OR9Q1: variants seen among roughly 807,000 people sequenced by gnomAD.
OR9Q1 encodes olfactory receptor 9Q1.
For missense variants in OR9Q1, 374 were observed against 378.8 expected, an observed-to-expected ratio of 0.99 and a Z score of 0.11; for synonymous variants, 153 against 148.6, an observed-to-expected ratio of 1.03 and a Z score of -0.22.
intron 1 of OR9Q1, chr11:58,030,935 G>C (rs373514515): frequency 2.4e-5 from 36 of 1,517,682 alleles, no homozygotes; most frequent in Admixed American, 3.4e-5. Context: ...TGAGTTTGCT[G>C]AGCTCTCACT....
At chr11:58,088,079 G>A (rs1366998151) in intron 2 of OR9Q1, among the ~76,000 whole-genome samples, 1 of 151,826 alleles carries the variant, frequency 6.6e-6, no homozygotes, top group Non-Finnish European at 1.5e-5. Flanking sequence ...GACCTCAAAT[G>A]ATCCACCTGC....
At chr11:58,139,531 G>C (rs1157482632) in intron 2 of OR9Q1, among the ~76,000 whole-genome samples, 1 of 152,074 alleles carries the variant, frequency 6.6e-6, no homozygotes, top group African/African-American at 2.4e-5. Context: ...AGAACATGTG[G>C]TGTTTGGTTT....
At chr11:58,138,969 C>A (rs1022728131) in intron 2 of OR9Q1, among the ~76,000 whole-genome samples, 1 of 151,702 alleles carries the variant, frequency 6.6e-6, no homozygotes, top group Non-Finnish European at 1.5e-5. Context: ...AAGAAGGAAC[C>A]AAAACAAATT....
At chr11:58,057,107 C>G (rs535974558) in intron 2 of OR9Q1, among the ~76,000 whole-genome samples, 7 of 150,602 alleles carry the variant, frequency 4.6e-5, no homozygotes, top group Non-Finnish European at 8.8e-5. Flanking sequence ...GATTCTCATG[C>G]CTCAGCCTCC....
At chr11:58,140,012 A>AT (rs1324628301) in intron 2 of OR9Q1, among the ~76,000 whole-genome samples, 2 of 151,768 alleles carry the variant, frequency 1.3e-5, no homozygotes, top group African/African-American at 4.8e-5. Context: ...TGTGGTTTTG[A>AT]TTTTTGCATT....
At chr11:58,116,480 C>A (rs757539373) in intron 2 of OR9Q1, among the ~76,000 whole-genome samples, 1 of 152,128 alleles carries the variant, frequency 6.6e-6, no homozygotes, top group Non-Finnish European at 1.5e-5. Context: ...TTTTTCATAT[C>A]CTTGTCAACA....
rs1854115669 is a variant in OR9Q1, at chr11:58,129,022, A to T, written c.-14-50409A>T. ...TATTTTAGCTAGGTTATCCTTGGTT[A>T]TGCTGCACTGTTAAATAACATAAAA... On this transcript the variant is annotated intron_variant, in intron 2 of 2. Coordinates refer to ENST00000335397, the MANE Select transcript of OR9Q1 (RefSeq NM_001005212.4). 1.3e-5 allele frequency among the ~76,000 whole-genome samples: 2 copies of T among 152,172 alleles called. 1 individual carries two copies. The highest frequency in any genetic ancestry group is 4.1e-4 in the South Asian group (2 of 4,824).
At chr11:58,082,407 T>C (rs1210911717) in intron 2 of OR9Q1, among the ~76,000 whole-genome samples, 1 of 151,982 alleles carries the variant, frequency 6.6e-6, no homozygotes, top group African/African-American at 2.4e-5. Flanking sequence ...CATGGAATAC[T>C]ATGCAGCCAT....
At chr11:58,076,431 C>T (rs1240374943) in intron 2 of OR9Q1, among the ~76,000 whole-genome samples, 1 of 152,148 alleles carries the variant, frequency 6.6e-6, no homozygotes, top group Non-Finnish European at 1.5e-5. Flanking sequence ...GGCTAGCTGT[C>T]AGCCAGGGAC....
At chr11:58,107,479 T>C (rs1202733015) in intron 2 of OR9Q1, among the ~76,000 whole-genome samples, 2 of 152,220 alleles carry the variant, frequency 1.3e-5, no homozygotes, top group East Asian at 1.9e-4. Flanking sequence ...CCATGGTGTA[T>C]ATGTGCCACA....
At chr11:58,138,376 A>G (rs1854209112) in intron 2 of OR9Q1, among the ~76,000 whole-genome samples, 1 of 152,218 alleles carries the variant, frequency 6.6e-6, no homozygotes, top group Non-Finnish European at 1.5e-5. Flanking sequence ...TGGTCTTGGG[A>G]AAGTAGCTTA....
Position 58,180,165 on chromosome 11 carries a change from A to G in OR9Q1, c.721A>G (p.Thr241Ala). 6.2e-7 allele frequency: 1 copy of G among 1,613,418 alleles called. No individual in the cohort carries two copies. Among genetic ancestry groups the G allele is most frequent in the African/African-American group, 1.3e-5 (1 of 74,844 alleles). The part of the protein sequence containing the change: ...GSQAKTFSTC[T>A]SHLTAVSLFF... Reference sequence around the variant, plus strand: ...CCAGGCCAAGACCTTCTCCACCTGCACCTCCCACCTCACTGCTGTGTCACT... The same window carrying G: ...CCAGGCCAAGACCTTCTCCACCTGCGCCTCCCACCTCACTGCTGTGTCACT... Residue 241 changes from threonine (T) to alanine (A), a missense_variant, in exon 3 of 3, where the codon ACC becomes GCC. By Grantham distance (58) the Thr-to-Ala change is moderately conservative. Transcript: ENST00000335397.
intron 2 of OR9Q1, among the ~76,000 whole-genome samples, chr11:58,158,241 A>G (rs1321579735): frequency 6.6e-6 from 1 of 152,194 alleles, no homozygotes; most frequent in African/African-American, 2.4e-5. Context: ...CCACAAACAT[A>G]CATAAGTAGT....
At chr11:58,142,096 C>G (rs1854255590) in intron 2 of OR9Q1, among the ~76,000 whole-genome samples, 1 of 152,098 alleles carries the variant, frequency 6.6e-6, no homozygotes, top group South Asian at 2.1e-4. Context: ...TGAAATGTCA[C>G]CTTTTCAGTG....
Position 58,161,549 on chromosome 11 carries a change from G to GTTTT in OR9Q1, c.-14-17872_-14-17869dup, listed in dbSNP as rs567452505. ...TTTTTGTTTTGCTCAGGCTTATTCT[G>GTTTT]TTTTTTTTTTTTTAGACAGAGCCTT... is the stretch of plus-strand genomic sequence containing the variant. On this transcript the variant is annotated intron_variant, in intron 2 of 2. Transcript: ENST00000335397. Among the ~76,000 whole-genome samples, 166 of 145,962 alleles carry GTTTT rather than the reference G, an allele frequency of 1.1e-3. 2 individuals are homozygous for GTTTT. Among genetic ancestry groups the GTTTT allele is most frequent in the Admixed American group, 1.8e-3 (27 of 14,780 alleles).
At chr11:58,173,204 T>C (rs1009001514) in intron 2 of OR9Q1, among the ~76,000 whole-genome samples, 2 of 152,000 alleles carry the variant, frequency 1.3e-5, no homozygotes, top group Non-Finnish European at 2.9e-5. Flanking sequence ...GTTACATATG[T>C]ATACATGTGC....
chr11:58,102,754 T>C (rs976483738), intron 2 of OR9Q1, among the ~76,000 whole-genome samples: 5 of 152,156 alleles, frequency 3.3e-5, no homozygotes, highest in African/African-American at 1.2e-4. Flanking sequence ...ATCGGTTGGG[T>C]TGAATTTATT....
intron 1 of OR9Q1, chr11:58,030,959 C>A: frequency 6.2e-7 from 1 of 1,610,514 alleles, no homozygotes; most frequent in Non-Finnish European, 8.5e-7. Context: ...ACATATGCAA[C>A]CATATACCAA....
intron 2 of OR9Q1, among the ~76,000 whole-genome samples, chr11:58,126,365 A>G (rs757352575): frequency 6.6e-6 from 1 of 152,222 alleles, no homozygotes; most frequent in Non-Finnish European, 1.5e-5. Context: ...TTCCTGATTC[A>G]GTAGAACCTC....
Sources: gnomAD v4.1 joint callset for allele counts (sites outside exome capture counted in the v4.1 genomes callset) on GRCh38, gnomAD v4.1.1 for gene constraint, MANE v1.5 for transcripts, NCBI Gene and HGNC (gene_info 2026-07-23, HGNC 2026-07-21) for gene names.